The following TMEM108 variants were observed in gnomAD, a reference collection of about 807,000 sequenced individuals.
TMEM108 encodes transmembrane protein 108.
In TMEM108, 12 loss-of-function variants were observed where a neutral mutation model predicts 35.1. That is an observed-to-expected ratio of 0.34 (90% CI 0.22 to 0.55). The LOEUF is 0.55. Ranked by LOEUF, TMEM108 falls within the 20% of genes least tolerant of loss-of-function variation. The pLI is 0.89. For missense variants in TMEM108, 680 were observed against 753.3 expected (o/e 0.90, Z 1.14); for synonymous variants, 287 against 308.6 (o/e 0.93, Z 0.73).
intron 2 of TMEM108, among the ~76,000 whole-genome samples, chr3:133,111,501 G>T (rs538147034): frequency 6.6e-6 from 1 of 152,078 alleles, no homozygotes; most frequent in Non-Finnish European, 1.5e-5. Flanking sequence ...ATATATATCT[G>T]TATGGAGGCC....
At chr3:133,083,290 C>T (rs1943839140) in intron 2 of TMEM108, among the ~76,000 whole-genome samples, 1 of 151,694 alleles carries the variant, frequency 6.6e-6, no homozygotes, top group Non-Finnish European at 1.5e-5. Context: ...GAAACTGTCC[C>T]TCACTCCTCA....
chr3:133,269,207 A>C (rs571829947), intron 3 of TMEM108, among the ~76,000 whole-genome samples: 1 of 152,242 alleles, frequency 6.6e-6, no homozygotes, highest in South Asian at 2.1e-4. Flanking sequence ...TCAGATGAAT[A>C]TGCTGCTAGT....
intron 2 of TMEM108, among the ~76,000 whole-genome samples, chr3:133,139,923 C>T (rs926902109): frequency 6.6e-6 from 1 of 152,190 alleles, no homozygotes; most frequent in Admixed American, 6.5e-5. Context: ...CATAGTCTTC[C>T]TCATCTGCTG....
chr3:133,222,081 G>A (rs2107853617), intron 2 of TMEM108, among the ~76,000 whole-genome samples: 1 of 152,232 alleles, frequency 6.6e-6, no homozygotes, highest in African/African-American at 2.4e-5. Flanking sequence ...ACTCCCTTTA[G>A]CAGTTCTTGT....
In TMEM108 at chr3:133,080,564, A is replaced by G. The variant is rs114961471; in HGVS notation, c.-47+34544A>G. Among the ~76,000 whole-genome samples the G allele has an allele frequency of 5.0e-3, 767 of 152,354 alleles. 9 individuals carry two copies. Among genetic ancestry groups the G allele is most frequent in the African/African-American group, 0.017 (689 of 41,586 alleles). On this transcript the variant is annotated intron_variant, in intron 2 of 5. Coordinates refer to ENST00000321871, the MANE Select transcript of TMEM108 (RefSeq NM_023943.4). ...GAATCCTTCCCAGAGCTCTTTAGTCAGAATTAATGATCCTATATACCTTTC... is the reference window on the plus strand; with the variant it reads ...GAATCCTTCCCAGAGCTCTTTAGTCGGAATTAATGATCCTATATACCTTTC...
intron 4 of TMEM108, chr3:133,388,095 C>T: frequency 1.0e-6 from 1 of 985,448 alleles, no homozygotes; most frequent in Non-Finnish European, 1.2e-6. Flanking sequence ...CCTGATTGCT[C>T]CCCTCCCTCT....
At chr3:133,325,751 AAT>A (rs1212322218) in intron 3 of TMEM108, among the ~76,000 whole-genome samples, 1 of 150,206 alleles carries the variant, frequency 6.7e-6, no homozygotes, top group East Asian at 1.9e-4. Flanking sequence ...AAAAATAAAA[AAT>A]ATATAATTTT....
At chr3:133,052,280 T>C (rs953702375) in intron 2 of TMEM108, among the ~76,000 whole-genome samples, 2 of 152,122 alleles carry the variant, frequency 1.3e-5, no homozygotes, top group African/African-American at 4.8e-5. Context: ...TCAAATTTCA[T>C]TTGTTTATTG....
At chr3:133,187,380 T>A (rs923710064) in intron 2 of TMEM108, among the ~76,000 whole-genome samples, 4 of 152,138 alleles carry the variant, frequency 2.6e-5, no homozygotes, top group African/African-American at 7.2e-5. Flanking sequence ...TATACGGAGC[T>A]CTTGCAGGGT....
At chr3:133,045,561 G>A (rs955938568) in intron 1 of TMEM108, among the ~76,000 whole-genome samples, 5 of 152,098 alleles carry the variant, frequency 3.3e-5, no homozygotes, top group Admixed American at 6.5e-5. Flanking sequence ...CCACTTCTAG[G>A]AAAAAAAGCA....
intron 3 of TMEM108, among the ~76,000 whole-genome samples, chr3:133,251,599 A>G (rs1336645091): frequency 6.6e-6 from 1 of 152,190 alleles, no homozygotes; most frequent in Admixed American, 6.5e-5. Context: ...GAATCCCATC[A>G]TCTTCAATGC....
At chr3:133,179,232 G>T (rs1945290126) in intron 2 of TMEM108, among the ~76,000 whole-genome samples, 1 of 152,104 alleles carries the variant, frequency 6.6e-6, no homozygotes, top group African/African-American at 2.4e-5. Flanking sequence ...TTCAACCATT[G>T]TGGAAGTCAG....
At chr3:133,342,555 T>TACACACAC (rs138335008) in intron 3 of TMEM108, among the ~76,000 whole-genome samples, 7 of 63,410 alleles carry the variant, frequency 1.1e-4, no homozygotes, top group African/African-American at 3.6e-4. Flanking sequence ...TATATATATA[T>TACACACAC]ACACACACAC....
At chr3:133,365,279 T>C (rs912722387) in intron 3 of TMEM108, among the ~76,000 whole-genome samples, 3 of 152,032 alleles carry the variant, frequency 2.0e-5, no homozygotes, top group Non-Finnish European at 4.4e-5. Context: ...TCATGATAAA[T>C]GGAAAGAGCT....
At chr3:133,216,057 C>G (rs575357144) in intron 2 of TMEM108, among the ~76,000 whole-genome samples, 1 of 152,118 alleles carries the variant, frequency 6.6e-6, no homozygotes, top group East Asian at 1.9e-4. Context: ...TGCCCCCACA[C>G]CACCTTGTTT....
In TMEM108 at chr3:133,193,215, C is replaced by T. The variant is rs549642808; in HGVS notation, c.-46-36051C>T. On this transcript the variant is annotated intron_variant, in intron 2 of 5. Coordinates refer to ENST00000321871, the MANE Select transcript of TMEM108 (RefSeq NM_023943.4). The stretch of plus-strand genomic sequence containing the variant: ...TTGTCATTAAGTCAACATAAAAAGG[C>T]TTTTTAACAGTTGCACTTTCCCCTC... Among the ~76,000 whole-genome samples, 9 of 152,158 alleles carry T rather than the reference C, an allele frequency of 5.9e-5. No homozygotes were observed. In the East Asian group the frequency reaches 1.7e-3, roughly 29 times the overall value.
intron 3 of TMEM108, among the ~76,000 whole-genome samples, chr3:133,290,358 C>T (rs777115185): frequency 3.3e-5 from 5 of 152,250 alleles, no homozygotes; most frequent in Non-Finnish European, 5.9e-5. Context: ...CAGTGACTTA[C>T]GCCTGTAATC....
At chr3:133,130,581 C>A (rs899881819) in intron 2 of TMEM108, among the ~76,000 whole-genome samples, 1 of 152,190 alleles carries the variant, frequency 6.6e-6, no homozygotes, top group Non-Finnish European at 1.5e-5. Flanking sequence ...AGGAACCTTT[C>A]ATGATCTACC....
intron 3 of TMEM108, among the ~76,000 whole-genome samples, chr3:133,279,013 G>A (rs528420493): frequency 1.3e-5 from 2 of 152,300 alleles, no homozygotes; most frequent in East Asian, 3.8e-4. Flanking sequence ...TTGAGGTGGC[G>A]CCTTTAAAGA....
Sources: allele counts gnomAD v4.1 joint callset (sites outside exome capture counted in the v4.1 genomes callset), GRCh38; gene constraint gnomAD v4.1.1; transcripts MANE v1.5; gene names NCBI Gene and HGNC (gene_info 2026-07-23, HGNC 2026-07-21).